B3GAT2: variants seen among roughly 807,000 people sequenced by gnomAD.
B3GAT2 encodes the protein galactosylgalactosylxylosylprotein 3-beta-glucuronosyltransferase 2.
Under a neutral mutation model 27.8 loss-of-function variants are expected in B3GAT2, and 26 were observed. That is an observed-to-expected ratio of 0.93 (90% confidence interval 0.68 to 1.30). The LOEUF (loss-of-function observed/expected upper bound fraction) is 1.30, where lower values mean the gene tolerates loss of function less well. Ranked by LOEUF, B3GAT2 falls within the 50% of genes most tolerant of loss-of-function variation. The pLI is 0.00. For synonymous variants in B3GAT2, 218 were observed against 195.1 expected (o/e 1.12, Z -0.98); for missense variants, 458 against 459.0 (o/e 1.00, Z 0.02).
chr6:70,910,655 T>C (rs890323905), intron 1 of B3GAT2, among the ~76,000 whole-genome samples: 2 of 152,242 alleles, frequency 1.3e-5, no homozygotes, highest in Non-Finnish European at 2.9e-5. Flanking sequence ...TGTGTCTTTA[T>C]GGTAGAATGA....
intron 2 of B3GAT2, among the ~76,000 whole-genome samples, chr6:70,885,786 T>G (rs753329871): frequency 6.6e-6 from 1 of 152,146 alleles, no homozygotes; most frequent in Non-Finnish European, 1.5e-5. Flanking sequence ...CTACAGGTAT[T>G]AGGAAGAAGC....
chr6:70,924,464 T>C (rs1243299323), intron 1 of B3GAT2, among the ~76,000 whole-genome samples: 8 of 152,160 alleles, frequency 5.3e-5, no homozygotes, highest in Admixed American at 3.3e-4. Context: ...CAAAAGAATC[T>C]TGAAAAGAAT....
At chr6:70,898,506 C>T (rs1005703496) in intron 1 of B3GAT2, among the ~76,000 whole-genome samples, 2 of 152,050 alleles carry the variant, frequency 1.3e-5, no homozygotes, top group African/African-American at 4.8e-5. Context: ...ACAGAGAAAC[C>T]AGGTTAAACC....
chr6:70,956,958 G>A lies in B3GAT2; in HGVS notation c.-529C>T, dbSNP rs1029140525. ...CCGCCGGGGTGGCGAGGAGCGGGTG[G>A]AGACGCTGGGGGTTGTGTCCCGGCT... is the stretch of plus-strand genomic sequence containing the variant. On this transcript the variant is annotated 5_prime_UTR_variant, in exon 1 of 4. Transcript: ENST00000230053. 4.4e-5 allele frequency: 45 copies of A among 1,014,736 alleles called. No individual in the cohort carries two copies. In the South Asian group the frequency reaches 6.4e-4, roughly 14 times the overall value. 62.9% of individuals were successfully genotyped at this position (1,014,736 alleles called of 1,614,324 possible).
intron 1 of B3GAT2, among the ~76,000 whole-genome samples, chr6:70,941,655 A>T (rs1044517257): frequency 6.6e-6 from 1 of 152,184 alleles, no homozygotes; most frequent in African/African-American, 2.4e-5. Flanking sequence ...GTTTCTATTT[A>T]AAGGGCTCAA....
At chr6:70,952,804 A>G (rs1483587403) in intron 1 of B3GAT2, among the ~76,000 whole-genome samples, 2 of 152,190 alleles carry the variant, frequency 1.3e-5, no homozygotes, top group Non-Finnish European at 2.9e-5. Context: ...TTCAATGCAA[A>G]TATTTCTTTC....
At chr6:70,927,200 C>T (rs1031289855) in intron 1 of B3GAT2, among the ~76,000 whole-genome samples, 21 of 152,252 alleles carry the variant, frequency 1.4e-4, no homozygotes, top group South Asian at 2.1e-4. Context: ...AAGGAACAAC[C>T]AGTACCAGCC....
chr6:70,910,742 A>C (rs2150038453), intron 1 of B3GAT2, among the ~76,000 whole-genome samples: 1 of 152,290 alleles, frequency 6.6e-6, no homozygotes, highest in African/African-American at 2.4e-5. Context: ...TACTTTGAGA[A>C]ATTGCCACCC....
chr6:70,917,902 G>A (rs1212168923), intron 1 of B3GAT2, among the ~76,000 whole-genome samples: 1 of 152,178 alleles, frequency 6.6e-6, no homozygotes, highest in Non-Finnish European at 1.5e-5. Context: ...TTCTGTAGAT[G>A]TCTATTAGTT....
At chr6:70,882,199 CG>C in intron 2 of B3GAT2, among the ~76,000 whole-genome samples, 1 of 152,142 alleles carries the variant, frequency 6.6e-6, no homozygotes, top group Non-Finnish European at 1.5e-5. Flanking sequence ...AAAGCACAGA[CG>C]ACAAAAGATC....
At chr6:70,939,400 T>C (rs1308118409) in intron 1 of B3GAT2, among the ~76,000 whole-genome samples, 7 of 150,680 alleles carry the variant, frequency 4.6e-5, no homozygotes, top group Non-Finnish European at 1.0e-4. Context: ...TTACTGGGTA[T>C]ATACCCAAAG....
At chr6:70,862,031 CT>C in intron 2 of B3GAT2, 53 bp from the exon 3 acceptor site, 1 of 1,499,796 alleles carries the variant, frequency 6.7e-7, no homozygotes, top group Non-Finnish European at 8.9e-7. Context: ...GTGTACTTCT[CT>C]TTTTTTCTGT....
At chr6:70,911,978 A>AT (rs1772695803) in intron 1 of B3GAT2, among the ~76,000 whole-genome samples, 2 of 152,042 alleles carry the variant, frequency 1.3e-5, no homozygotes, top group South Asian at 4.1e-4. Context: ...AATGCAACTT[A>AT]TTTTTGCACA....
intron 1 of B3GAT2, among the ~76,000 whole-genome samples, chr6:70,897,478 T>C (rs1772407241): frequency 1.3e-5 from 2 of 152,050 alleles, no homozygotes; most frequent in Admixed American, 1.3e-4. Context: ...GGCTCATGCC[T>C]GTAATTCCAG....
chr6:70,861,333 T>G lies in B3GAT2; in HGVS notation c.*330A>C. On this transcript the variant is annotated 3_prime_UTR_variant, in exon 4 of 4. Transcript: ENST00000230053. ...CTACCAACCTGTTCAAGTCTACCAA[T>G]TATAAGGGCAAATTGGAGAAAAAGA... 2 of 232,168 alleles carry G rather than the reference T, an allele frequency of 8.6e-6. No homozygotes were observed. The highest frequency in any genetic ancestry group is 5.0e-5 in the Admixed American group (1 of 20,148). 14.4% of individuals were successfully genotyped at this position (232,168 alleles called of 1,614,324 possible).
At chr6:70,872,118 T>A (rs1771947620) in intron 2 of B3GAT2, among the ~76,000 whole-genome samples, 1 of 151,980 alleles carries the variant, frequency 6.6e-6, no homozygotes, top group South Asian at 2.1e-4. Context: ...TAAGATGGTA[T>A]ATAATCTTGG....
chr6:70,881,777 T>C (rs963965504), intron 2 of B3GAT2, among the ~76,000 whole-genome samples: 2 of 152,202 alleles, frequency 1.3e-5, no homozygotes, highest in African/African-American at 4.8e-5. Flanking sequence ...CTCTGCACTC[T>C]GAGAATAGGG....
intron 1 of B3GAT2, among the ~76,000 whole-genome samples, chr6:70,941,246 C>G (rs1052154198): frequency 6.6e-6 from 1 of 152,118 alleles, no homozygotes; most frequent in Admixed American, 6.5e-5. Flanking sequence ...AGGCACTTAA[C>G]AAATCAAGAC....
intron 1 of B3GAT2, among the ~76,000 whole-genome samples, chr6:70,922,638 A>T (rs965749855): frequency 6.6e-6 from 1 of 152,144 alleles, no homozygotes; most frequent in African/African-American, 2.4e-5. Context: ...ATAAAAATAC[A>T]GCATCAAAAT....
Sources: gnomAD v4.1 joint callset for allele counts (sites outside exome capture counted in the v4.1 genomes callset) on GRCh38, gnomAD v4.1.1 for gene constraint, MANE v1.5 for transcripts, NCBI Gene and HGNC (gene_info 2026-07-23, HGNC 2026-07-21) for gene names.